The following FANCA variants were observed in gnomAD, a reference collection of about 807,000 sequenced individuals.
FANCA encodes the protein FA complementation group A, also known as Fanconi anemia group A protein.
A neutral mutation model predicts 194.3 loss-of-function variants in FANCA; 236 were observed. The observed-to-expected ratio is 1.21, with a 90% confidence interval of 1.09 to 1.35. The LOEUF is 1.35. Among genes scored for constraint, FANCA ranks in the 40% most tolerant of loss-of-function variants. The pLI is 0.00. For missense variants in FANCA, 2,628 were observed against 1,813.9 expected (o/e 1.45, Z -8.15); for synonymous variants, 1,014 against 715.8 (o/e 1.42, Z -6.65).
Position 89,760,303 on chromosome 16 carries a change from G to A in FANCA, c.2853-1598C>T, listed in dbSNP as rs1214659152. 4.6e-5 allele frequency among the ~76,000 whole-genome samples: 7 copies of A among 152,218 alleles called. No homozygotes were observed. The South Asian group carries it at 1.0e-3, about 23-fold the overall frequency. ...CTGAACCATCAGCACGTGTTTTGCC[G>A]CAGGCAGCAGCGAGTTTTCTTTTTG... On this transcript the variant is annotated intron_variant, in intron 29 of 42. Transcript: ENST00000389301.
intron 36 of FANCA, among the ~76,000 whole-genome samples, chr16:89,744,520 C>T (rs2062201059): frequency 6.6e-6 from 1 of 152,040 alleles, no homozygotes; most frequent in Admixed American, 6.6e-5. Flanking sequence ...ATGACACTGA[C>T]CCTACCAGCA....
At position 89,742,899 on chromosome 16, in the gene FANCA, C is replaced by T. The variant is rs780031277; in HGVS notation, c.3666G>A (p.Pro1222=). 1.1e-5 allele frequency: 17 copies of T among 1,613,960 alleles called. No individual in the cohort carries two copies. Among genetic ancestry groups the T allele is most frequent in the African/African-American group, 5.3e-5 (4 of 74,900 alleles). Residue 1222 remains proline (P), a synonymous_variant, in exon 37 of 43, where the codon CCG becomes CCA. Transcript: ENST00000389301. ...GCAGTGCAGCAGCTGAGAGCCAGTC[C>T]GGGTTGGGTGCTGGGGAGGCAGCCT... ...SPEAASPAPN[P]DWLSAAALHF...
At chr16:89,784,706 C>T in intron 15 of FANCA, 148 bp downstream of exon 15, 1 of 741,292 alleles carries the variant, frequency 1.3e-6, no homozygotes, top group Non-Finnish European at 2.5e-6. Flanking sequence ...CCATAAACGG[C>T]TTGGGGAAGG....
chr16:89,744,198 C>G (rs2062194821), intron 36 of FANCA, among the ~76,000 whole-genome samples: 1 of 152,180 alleles, frequency 6.6e-6, no homozygotes, highest in South Asian at 2.1e-4. Context: ...CCGGGGCCCT[C>G]TTCTCTTCTT....
intron 10 of FANCA, among the ~76,000 whole-genome samples, chr16:89,796,546 G>A (rs1447415726): frequency 6.6e-6 from 1 of 152,224 alleles, no homozygotes; most frequent in African/African-American, 2.4e-5. Flanking sequence ...ATCTGTGTGA[G>A]AGAACACGAT....
chr16:89,796,833 TA>T (rs2040264098), intron 10 of FANCA, among the ~76,000 whole-genome samples: 1 of 151,452 alleles, frequency 6.6e-6, no homozygotes, highest in Admixed American at 6.6e-5. Context: ...CTACCCTGGC[TA>T]ACATGGTGAA....
Position 89,798,796 on chromosome 16 carries a change from T to C in FANCA, c.893+370A>G. Reference sequence around the variant, plus strand: ...ACAGCTACAGTGTGTTCTAGAAATGTGGGGGGCTGAGAGGCAGGGCCAGCT... The same window carrying C: ...ACAGCTACAGTGTGTTCTAGAAATGCGGGGGGCTGAGAGGCAGGGCCAGCT... On this transcript the variant is annotated intron_variant, in intron 10 of 42. Transcript: ENST00000389301. The C allele has an allele frequency of 2.8e-6, 4 of 1,430,386 alleles. No individual in the cohort carries two copies. The South Asian group carries it at 4.3e-5, about 16-fold the overall frequency. The allele number at this position is 1,430,386 out of a possible 1,614,324, so 88.6% of individuals were successfully genotyped here. A position where few individuals can be genotyped will look rare whatever the true frequency, so the allele number is the denominator to read the frequency against.
At chr16:89,798,650 G>A (rs985540589) in intron 10 of FANCA, 4 of 1,213,706 alleles carry the variant, frequency 3.3e-6, no homozygotes, top group Admixed American at 3.8e-5. Flanking sequence ...CTCCCGACCT[G>A]TAAGGGTCTC....
rs1555571174 is a variant in FANCA at position 89,805,329 on chromosome 16, C to G, written c.660G>C (p.Gln220His). 5 of 1,614,094 alleles carry G rather than the reference C, an allele frequency of 3.1e-6. No individual in the cohort carries two copies. In the South Asian group the frequency reaches 5.5e-5, roughly 18 times the overall value. Residue 220 changes from glutamine to histidine, a missense_variant, in exon 7 of 43, where the codon CAG (glutamine) becomes CAC (histidine). Transcript: ENST00000389301. ...CAGCATGCTGGCAGGATGCTTCCAT[C>G]TGTTCACAAAGGCAGCACAGATTCC... is the stretch of plus-strand genomic sequence containing the variant. ...LFRNLCCLCE[Q>H]MEASCQHADV...
chr16:89,816,252 G>C (rs1159475033), intron 1 of FANCA: 5 of 458,368 alleles, frequency 1.1e-5, no homozygotes, highest in Non-Finnish European at 2.0e-5. Flanking sequence ...GGGAGCCCCA[G>C]GCCGCGCACC....
chr16:89,816,621 T>G lies in FANCA; in HGVS notation c.-6A>C. On this transcript the variant is annotated 5_prime_UTR_variant, in exon 1 of 43. Coordinates refer to ENST00000389301, the MANE Select transcript of FANCA (RefSeq NM_000135.4). ...GGGACCCACGAGTCGGACATGGCCT[T>G]GGCGCCTACAGCCCCGGCGGCGGCT... 1 of 1,522,310 alleles carries G rather than the reference T, an allele frequency of 6.6e-7. No individual in the cohort carries two copies. The highest frequency in any genetic ancestry group is 8.8e-7 in the Non-Finnish European group (1 of 1,142,704). 94.3% of individuals were successfully genotyped at this position (1,522,310 alleles called of 1,614,324 possible).
intron 10 of FANCA, 88 bp downstream of exon 10, chr16:89,799,078 C>G: frequency 1.2e-6 from 2 of 1,614,232 alleles, no homozygotes; most frequent in Non-Finnish European, 1.7e-6. Flanking sequence ...GCTGCTGAAG[C>G]TCTGGAAGTG....
intron 10 of FANCA, chr16:89,798,655 G>T (rs753960399): frequency 2.4e-6 from 3 of 1,228,804 alleles, no homozygotes; most frequent in Non-Finnish European, 3.1e-6. Flanking sequence ...GACCTGTAAG[G>T]GTCTCCGCAC....
rs1198566177 is a variant in FANCA at position 89,765,077 on chromosome 16, G to A, written c.2602-11C>T. On this transcript the variant is annotated splice_polypyrimidine_tract_variant and intron_variant, in intron 27 of 42. Transcript: ENST00000389301. ...CATGAGGAACTGAAACTGAAACAGA[G>A]AGTGACCCGGCCGTTTCTTCATTGC... The A allele has an allele frequency of 1.2e-6, 2 of 1,613,728 alleles. No homozygotes were observed. Among genetic ancestry groups the A allele is most frequent in the Non-Finnish European group, 1.7e-6 (2 of 1,179,822 alleles).
Position 89,783,046 on chromosome 16 carries a change from G to C in FANCA, c.1527C>G (p.Asp509Glu), listed in dbSNP as rs755009951. The C allele has an allele frequency of 4.3e-6, 7 of 1,613,716 alleles. No homozygotes were observed. Among genetic ancestry groups the C allele is most frequent in the Non-Finnish European group, 5.9e-6 (7 of 1,179,748 alleles). Residue 509 changes from aspartate to glutamate, a missense_variant, in exon 16 of 43, where the codon GAC (aspartate) becomes GAG (glutamate). Physicochemically the swap from Asp to Glu is conservative, Grantham distance 45. Coordinates refer to ENST00000389301, the MANE Select transcript of FANCA (RefSeq NM_000135.4). ...GCCGTGTCTTGGCCAATGAGATGTAGTCTGTGAGGAGGGAGCGGTACTTGC... is the reference window on the plus strand; with the variant it reads ...GCCGTGTCTTGGCCAATGAGATGTACTCTGTGAGGAGGGAGCGGTACTTGC... ...VPGKYRSLLT[D>E]YISLAKTRLA...
At chr16:89,780,643 C>G (rs534743183) in intron 17 of FANCA, among the ~76,000 whole-genome samples, 3 of 150,604 alleles carry the variant, frequency 2.0e-5, no homozygotes, top group Non-Finnish European at 4.4e-5. Flanking sequence ...AAAAAACATT[C>G]TGAGGCCAGG....
At chr16:89,797,655 T>A (rs1055857657) in intron 10 of FANCA, among the ~76,000 whole-genome samples, 3 of 152,068 alleles carry the variant, frequency 2.0e-5, no homozygotes, top group Non-Finnish European at 4.4e-5. Flanking sequence ...AGGTGGGTGT[T>A]ATCACTTGAG....
At chr16:89,796,320 G>A (rs909272911) in intron 10 of FANCA, among the ~76,000 whole-genome samples, 3 of 152,178 alleles carry the variant, frequency 2.0e-5, no homozygotes, top group Non-Finnish European at 4.4e-5. Context: ...AGGTTGGGAA[G>A]GGCAGGCCGC....
intron 24 of FANCA, 34 bp downstream of exon 24, chr16:89,770,530 G>A (rs1252954378): frequency 2.5e-6 from 4 of 1,571,364 alleles, no homozygotes; most frequent in Non-Finnish European, 2.6e-6. Flanking sequence ...ACCCAGAGGA[G>A]CCCCACCACT....
Sources: allele counts gnomAD v4.1 joint callset (sites outside exome capture counted in the v4.1 genomes callset), GRCh38; gene constraint gnomAD v4.1.1; transcripts MANE v1.5; gene names NCBI Gene and HGNC (gene_info 2026-07-23, HGNC 2026-07-21).